FHOD3: variants seen among roughly 807,000 people sequenced by gnomAD.
FHOD3 encodes formin homology 2 domain containing 3, also known as FH1/FH2 domain-containing protein 3.
A neutral mutation model predicts 173.0 loss-of-function variants in FHOD3; 90 were observed. The observed-to-expected ratio is 0.52, with a 90% CI of 0.44 to 0.62. The LOEUF (loss-of-function observed/expected upper bound fraction) is 0.62, where lower values mean the gene tolerates loss of function less well. Ranked by LOEUF, FHOD3 falls within the 20% of genes least tolerant of loss-of-function variation. FHOD3 has a pLI of 0.00. For synonymous variants in FHOD3, 828 were observed against 823.0 expected (o/e 1.01, Z -0.10); for missense variants, 1,945 against 2,034.7 (o/e 0.96, Z 0.85).
intron 3 of FHOD3, among the ~76,000 whole-genome samples, chr18:36,384,594 G>T (rs1460923001): frequency 6.8e-6 from 1 of 147,658 alleles, no homozygotes. Context: ...AAGGATTAAA[G>T]AAATATTTCA....
chr18:36,635,736 G>A (rs534035435), intron 10 of FHOD3, among the ~76,000 whole-genome samples: 16 of 152,296 alleles, frequency 1.1e-4, no homozygotes, highest in African/African-American at 3.8e-4. Flanking sequence ...AGTTGGATAG[G>A]CACTTCTGGA....
At chr18:36,598,646 C>T (rs960384831) in intron 7 of FHOD3, among the ~76,000 whole-genome samples, 2 of 151,960 alleles carry the variant, frequency 1.3e-5, no homozygotes, top group African/African-American at 4.8e-5. Context: ...TCCACCTCTG[C>T]GTTACGCCAT....
chr18:36,502,242 T>TG (rs1436161886), intron 4 of FHOD3, among the ~76,000 whole-genome samples: 1 of 65,344 alleles, frequency 1.5e-5, no homozygotes, highest in African/African-American at 5.1e-5. Context: ...TACTTCTAGT[T>TG]TTTTTTTTTT....
At chr18:36,640,652 C>T (rs994122958) in intron 10 of FHOD3, among the ~76,000 whole-genome samples, 4 of 152,144 alleles carry the variant, frequency 2.6e-5, no homozygotes, top group African/African-American at 4.8e-5. Context: ...AACCTTAAGA[C>T]GGCTTTTTGA....
intron 3 of FHOD3, among the ~76,000 whole-genome samples, chr18:36,439,458 T>C (rs528121561): frequency 1.1e-4 from 17 of 152,042 alleles, no homozygotes; most frequent in African/African-American, 3.6e-4. Flanking sequence ...TCAGCACTTG[T>C]CAAATCTGAA....
chr18:36,650,609 C>T (rs1042524545), intron 11 of FHOD3, among the ~76,000 whole-genome samples: 2 of 152,166 alleles, frequency 1.3e-5, no homozygotes, highest in African/African-American at 4.8e-5. Flanking sequence ...GATGTTTGGT[C>T]GCCATCCCAC....
chr18:36,718,736 G>C (rs1179517677), intron 19 of FHOD3, 21 bp downstream of exon 19: 1 of 1,597,370 alleles, frequency 6.3e-7, no homozygotes, highest in African/African-American at 1.3e-5. Flanking sequence ...TCTTCAGCAT[G>C]CTTCTTGATT....
intron 9 of FHOD3, among the ~76,000 whole-genome samples, chr18:36,620,903 T>A (rs188054730): frequency 3.1e-3 from 468 of 151,926 alleles, no homozygotes; most frequent in South Asian, 8.1e-3. Flanking sequence ...CAGAACCAAT[T>A]TTTTTTTTCA....
chr18:36,772,650 C>T (rs2043437842), intron 28 of FHOD3, among the ~76,000 whole-genome samples: 1 of 152,252 alleles, frequency 6.6e-6, no homozygotes, highest in South Asian at 2.1e-4. Flanking sequence ...GAACGTCCCA[C>T]TGAAGCCTGA....
chr18:36,297,738 A>G lies in FHOD3; in HGVS notation c.-98A>G, dbSNP rs911346561. 9 of 974,050 alleles carry G rather than the reference A, an allele frequency of 9.2e-6. No homozygotes were observed. Among genetic ancestry groups the G allele is most frequent in the African/African-American group, 1.8e-5 (1 of 56,598 alleles). 60.3% of individuals were successfully genotyped at this position (974,050 alleles called of 1,614,324 possible). ...GAGCCTGCGAGTCCGCGAGCCAGCG[A>G]GCTGCGGCTGCGGCCTCCCCTGCGC... On this transcript the variant is annotated 5_prime_UTR_variant, in exon 1 of 29. Transcript: ENST00000590592.
At chr18:36,653,013 T>A (rs1484248843) in intron 12 of FHOD3, 84 bp downstream of exon 12, 1 of 1,440,274 alleles carries the variant, frequency 6.9e-7, no homozygotes, top group East Asian at 2.5e-5. Flanking sequence ...TGGCTTGGCT[T>A]CTGCCATGTT....
intron 1 of FHOD3, among the ~76,000 whole-genome samples, chr18:36,326,258 C>T (rs1218450576): frequency 2.6e-5 from 4 of 152,220 alleles, no homozygotes; most frequent in African/African-American, 4.8e-5. Flanking sequence ...ATTAGGTTGA[C>T]TTCTAATTTT....
chr18:36,494,204 G>C (rs903793680), intron 3 of FHOD3, among the ~76,000 whole-genome samples: 3 of 152,098 alleles, frequency 2.0e-5, no homozygotes, highest in African/African-American at 7.2e-5. Flanking sequence ...GTACTTTTCA[G>C]CACTGATCTT....
chr18:36,440,659 T>G (rs2051090822), intron 3 of FHOD3, among the ~76,000 whole-genome samples: 1 of 152,228 alleles, frequency 6.6e-6, no homozygotes, highest in South Asian at 2.1e-4. Flanking sequence ...GAGGCCAAGC[T>G]TTGAAATTTT....
chr18:36,634,159 G>T (rs78088336), intron 10 of FHOD3, among the ~76,000 whole-genome samples: 3,899 of 152,282 alleles, frequency 0.026, 177 homozygotes, highest in African/African-American at 0.09. Context: ...GCAGGTGGTA[G>T]GATGCGGGTA....
chr18:36,372,760 C>T lies in FHOD3; in HGVS notation c.337+16C>T, dbSNP rs753524433. On this transcript the variant is annotated intron_variant, in intron 3 of 28. Transcript: ENST00000590592. ...GCCTGCATCGGTGAGTGACACCTGC[C>T]CTCAGGAACTAAACATATGATGAAA... 1 of 1,610,074 alleles carries T rather than the reference C, an allele frequency of 6.2e-7. No individual in the cohort carries two copies. Among genetic ancestry groups the T allele is most frequent in the South Asian group, 1.1e-5 (1 of 90,832 alleles).
intron 5 of FHOD3, among the ~76,000 whole-genome samples, chr18:36,537,586 C>T (rs2057047292): frequency 6.6e-6 from 1 of 151,952 alleles, no homozygotes; most frequent in African/African-American, 2.4e-5. Flanking sequence ...TGAAATAAGG[C>T]AAAGAAAATT....
intron 3 of FHOD3, among the ~76,000 whole-genome samples, chr18:36,494,316 A>G (rs1363119944): frequency 6.6e-6 from 1 of 152,224 alleles, no homozygotes; most frequent in Non-Finnish European, 1.5e-5. Context: ...TTACAGCATA[A>G]TACATGATTG....
chr18:36,482,858 CAGAG>C (rs138052316), intron 3 of FHOD3, among the ~76,000 whole-genome samples: 7,651 of 130,182 alleles, frequency 0.059, 263 homozygotes, highest in Middle Eastern at 0.071. Flanking sequence ...CACACACACA[CAGAG>C]AGAGAGAGAG....
Sources: gnomAD v4.1 joint callset for allele counts (sites outside exome capture counted in the v4.1 genomes callset) on GRCh38, gnomAD v4.1.1 for gene constraint, MANE v1.5 for transcripts, NCBI Gene and HGNC (gene_info 2026-07-23, HGNC 2026-07-21) for gene names.